Variants in ACTR3C observed in about 807,000 individuals in gnomAD.
ACTR3C encodes the protein actin-related protein 3C.
In ACTR3C, 18 loss-of-function variants were observed where a neutral mutation model predicts 26.3. The ratio of observed to expected loss-of-function variants is 0.68; its 90% CI spans 0.47 to 1.01. The LOEUF (loss-of-function observed/expected upper bound fraction) is 1.01. ACTR3C is among the 50% of genes least tolerant of loss of function. The probability of loss-of-function intolerance (pLI) is 0.00; values close to 1 mark genes in which losing one functional copy is unlikely to be tolerated. For synonymous variants in ACTR3C, 55 were observed against 94.5 expected (o/e 0.58, Z 2.42); for missense variants, 184 against 250.7 (o/e 0.73, Z 1.80).
At chr7:150,036,543 A>G in the ACTR3C span, among the ~76,000 whole-genome samples, 2 of 144,920 alleles carry the variant, frequency 1.4e-5, no homozygotes, top group Non-Finnish European at 3.1e-5. Context: ...CCATTTCAAA[A>G]GTTCCGGGTC....
chr7:150,118,178 T>C, the ACTR3C span, among the ~76,000 whole-genome samples: 62 of 152,122 alleles, frequency 4.1e-4, no homozygotes, highest in Admixed American at 9.8e-4. Context: ...ATTCCTCTTC[T>C]CCTCCAAAGG....
the ACTR3C span, among the ~76,000 whole-genome samples, chr7:150,021,058 C>T: frequency 1.8e-4 from 28 of 151,864 alleles, no homozygotes; most frequent in Non-Finnish European, 7.4e-5. Flanking sequence ...TGACCTCAGG[C>T]GATCCACCTG....
the ACTR3C span, among the ~76,000 whole-genome samples, chr7:149,961,902 G>C: frequency 6.6e-6 from 1 of 151,872 alleles, no homozygotes; most frequent in African/African-American, 2.4e-5. Context: ...GGAAATATGG[G>C]CTCATAGGAA....
At chr7:150,208,818 T>C in the ACTR3C span, among the ~76,000 whole-genome samples, 1 of 152,184 alleles carries the variant, frequency 6.6e-6, no homozygotes, top group Non-Finnish European at 1.5e-5. Context: ...AAGGATGGCA[T>C]TTGATCAATT....
chr7:149,959,038 C>T, the ACTR3C span, among the ~76,000 whole-genome samples: 2 of 152,218 alleles, frequency 1.3e-5, no homozygotes, highest in East Asian at 1.9e-4. Flanking sequence ...CTGCATACCA[C>T]AGTCATTTCC....
At chr7:150,133,133 A>T in the ACTR3C span, among the ~76,000 whole-genome samples, 1 of 152,164 alleles carries the variant, frequency 6.6e-6, no homozygotes, top group Non-Finnish European at 1.5e-5. Context: ...AAGCACCACC[A>T]ACAGTGTATC....
chr7:150,092,662 T>C, the ACTR3C span, among the ~76,000 whole-genome samples: 7 of 150,632 alleles, frequency 4.6e-5, no homozygotes, highest in South Asian at 1.3e-3. Context: ...AGGGTCCTTT[T>C]CTTCTGAACA....
the ACTR3C span, among the ~76,000 whole-genome samples, chr7:149,897,645 C>T: frequency 6.6e-6 from 1 of 152,206 alleles, no homozygotes; most frequent in African/African-American, 2.4e-5. Flanking sequence ...GTGGGCAGAT[C>T]ACCTGAGGTC....
chr7:150,284,546 C>CAAAAT (rs750467389), intron 6 of ACTR3C, among the ~76,000 whole-genome samples: 65 of 152,042 alleles, frequency 4.3e-4, no homozygotes, highest in African/African-American at 1.3e-3. Context: ...ACTCCGTCTC[C>CAAAAT]AAAATAAAAT....
At chr7:150,140,065 C>T in the ACTR3C span, among the ~76,000 whole-genome samples, 1 of 152,134 alleles carries the variant, frequency 6.6e-6, no homozygotes, top group South Asian at 2.1e-4. Context: ...CACACACACA[C>T]GTGCACACAC....
the ACTR3C span, among the ~76,000 whole-genome samples, chr7:150,139,364 A>T: frequency 6.6e-6 from 1 of 152,264 alleles, no homozygotes; most frequent in East Asian, 1.9e-4. Context: ...AAAATAAAAA[A>T]ATGAGGAAAA....
chr7:149,944,943 G>A, the ACTR3C span, among the ~76,000 whole-genome samples: 2 of 152,012 alleles, frequency 1.3e-5, no homozygotes, highest in African/African-American at 4.8e-5. Context: ...GCCAGGCCAT[G>A]CAATGTGTCG....
chr7:150,207,959 T>C, the ACTR3C span, among the ~76,000 whole-genome samples: 561 of 152,144 alleles, frequency 3.7e-3, 6 homozygotes, highest in Middle Eastern at 0.02. Flanking sequence ...TCCCAGAGAT[T>C]TTCACTTCTA....
At chr7:150,188,408 T>TA in the ACTR3C span, among the ~76,000 whole-genome samples, 1 of 151,542 alleles carries the variant, frequency 6.6e-6, no homozygotes, top group African/African-American at 2.4e-5. Flanking sequence ...ATGAATAAAG[T>TA]TGCTGTAAAC....
chr7:150,190,959 G>T, the ACTR3C span, among the ~76,000 whole-genome samples: 17 of 151,942 alleles, frequency 1.1e-4, no homozygotes, highest in African/African-American at 3.1e-4. Context: ...CTATCACGGG[G>T]ACAGCATGGA....
the ACTR3C span, among the ~76,000 whole-genome samples, chr7:150,127,029 T>C: frequency 6.6e-6 from 1 of 152,206 alleles, no homozygotes; most frequent in African/African-American, 2.4e-5. Context: ...TTAAAGGTTC[T>C]GTAGTCCACA....
chr7:149,882,858 T>C, the ACTR3C span, among the ~76,000 whole-genome samples: 1 of 152,052 alleles, frequency 6.6e-6, no homozygotes, highest in Non-Finnish European at 1.5e-5. Flanking sequence ...TACAAAGGGC[T>C]GTCTGTGTTA....
At chr7:150,075,609 C>T in the ACTR3C span, among the ~76,000 whole-genome samples, 6 of 152,272 alleles carry the variant, frequency 3.9e-5, no homozygotes, top group South Asian at 1.2e-3. Flanking sequence ...TTTAGAGCTG[C>T]CTCCTCCCCT....
At chr7:150,064,649 TACACACAC>T in the ACTR3C span, among the ~76,000 whole-genome samples, 43 of 145,244 alleles carry the variant, frequency 3.0e-4, no homozygotes, top group South Asian at 3.4e-3. Flanking sequence ...TATTTTCACA[TACACACAC>T]ACACACACAC....
Sources: gnomAD v4.1 joint callset for allele counts (sites outside exome capture counted in the v4.1 genomes callset) on GRCh38, gnomAD v4.1.1 for gene constraint, MANE v1.5 for transcripts, NCBI Gene and HGNC (gene_info 2026-07-23, HGNC 2026-07-21) for gene names.